Variants in GPR158 observed in about 807,000 individuals in gnomAD.
The protein encoded by GPR158 is metabotropic glycine receptor.
Under a neutral mutation model 78.2 loss-of-function variants are expected in GPR158, and 30 were observed. That is an observed-to-expected ratio of 0.38 (90% CI 0.29 to 0.52). The LOEUF is 0.52. Among genes scored for constraint, GPR158 ranks in the 20% least tolerant of loss-of-function variants. The pLI is 0.83. For missense variants in GPR158, 1,463 were observed against 1,523.5 expected, an observed-to-expected ratio of 0.96 and a Z score of 0.66; for synonymous variants, 581 against 591.1, an observed-to-expected ratio of 0.98 and a Z score of 0.25.
chr10:25,422,915 C>T (rs548123888), intron 4 of GPR158, among the ~76,000 whole-genome samples: 72 of 147,272 alleles, frequency 4.9e-4, no homozygotes, highest in Non-Finnish European at 9.4e-4. Flanking sequence ...TTTGCGTCCT[C>T]ATAGCTCAGC....
intron 2 of GPR158, among the ~76,000 whole-genome samples, chr10:25,343,151 G>T (rs541915684): frequency 2.0e-5 from 3 of 151,944 alleles, no homozygotes; most frequent in Non-Finnish European, 2.9e-5. Flanking sequence ...TCAAGTATTA[G>T]AAATGAATGT....
intron 5 of GPR158, among the ~76,000 whole-genome samples, chr10:25,497,096 T>C (rs1007851927): frequency 6.6e-5 from 10 of 152,080 alleles, no homozygotes; most frequent in African/African-American, 9.7e-5. Context: ...GCTCCAAGCA[T>C]ATTTGGTGTG....
At chr10:25,311,776 G>T (rs946328953) in intron 2 of GPR158, among the ~76,000 whole-genome samples, 5 of 151,890 alleles carry the variant, frequency 3.3e-5, no homozygotes, top group African/African-American at 1.2e-4. Context: ...TATTCCAAAT[G>T]TTCATTAATT....
chr10:25,466,924 G>T (rs1835432210), intron 5 of GPR158, among the ~76,000 whole-genome samples: 1 of 152,134 alleles, frequency 6.6e-6, no homozygotes, highest in African/African-American at 2.4e-5. Context: ...GAAGGAAGTT[G>T]TTGATTAAAA....
At chr10:25,577,127 A>ATATT in intron 7 of GPR158, among the ~76,000 whole-genome samples, 1 of 152,150 alleles carries the variant, frequency 6.6e-6, no homozygotes, top group Non-Finnish European at 1.5e-5. Context: ...TGCAGCATCA[A>ATATT]TATTTAACCT....
At chr10:25,543,889 TCAAA>T (rs1376344397) in intron 5 of GPR158, among the ~76,000 whole-genome samples, 1 of 152,190 alleles carries the variant, frequency 6.6e-6, no homozygotes, top group Non-Finnish European at 1.5e-5. Context: ...ACCAAGTCCT[TCAAA>T]CACACACCGA....
At chr10:25,256,056 TA>T (rs1393930025) in intron 2 of GPR158, among the ~76,000 whole-genome samples, 1 of 152,156 alleles carries the variant, frequency 6.6e-6, no homozygotes, top group Non-Finnish European at 1.5e-5. Flanking sequence ...GTTACAGGTG[TA>T]TCAGTGAGTG....
At chr10:25,596,491 CTCTCTA>C in intron 9 of GPR158, 146 bp from the exon 10 acceptor site, 1 of 562,526 alleles carries the variant, frequency 1.8e-6, no homozygotes, top group East Asian at 3.3e-5. Context: ...GTGTCTCTCT[CTCTCTA>C]TCTATCTATC....
intron 2 of GPR158, among the ~76,000 whole-genome samples, chr10:25,344,405 A>G (rs920865848): frequency 1.1e-4 from 16 of 151,922 alleles, no homozygotes; most frequent in Non-Finnish European, 1.3e-4. Context: ...GAGAACACTT[A>G]ACACTTAAAA....
chr10:25,338,584 C>CATATTATATATATTATTATATATAATAA (rs1564426395), intron 2 of GPR158, among the ~76,000 whole-genome samples: 4 of 145,356 alleles, frequency 2.8e-5, no homozygotes, highest in South Asian at 2.1e-4. Context: ...ATATATAATA[C>CATATTATATATATTATTATATATAATAA]ATATTATATA....
chr10:25,400,022 A>G (rs1834419093), intron 3 of GPR158, among the ~76,000 whole-genome samples: 1 of 152,228 alleles, frequency 6.6e-6, no homozygotes, highest in South Asian at 2.1e-4. Flanking sequence ...GTCAATACAC[A>G]GTTAAATAAT....
chr10:25,410,264 C>T (rs824602), intron 3 of GPR158, among the ~76,000 whole-genome samples: 125,310 of 152,102 alleles, frequency 0.82, 52,710 homozygotes, highest in African/African-American at 0.89. Context: ...CTAATTAATC[C>T]TTGCATCTCC....
intron 5 of GPR158, among the ~76,000 whole-genome samples, chr10:25,532,267 C>T (rs763899974): frequency 2.6e-5 from 4 of 151,058 alleles, no homozygotes; most frequent in Non-Finnish European, 5.9e-5. Flanking sequence ...ATCTGTTAAA[C>T]GGATGAGGCA....
intron 2 of GPR158, among the ~76,000 whole-genome samples, chr10:25,237,660 G>T (rs967469453): frequency 4.6e-5 from 7 of 152,092 alleles, no homozygotes; most frequent in African/African-American, 1.4e-4. Flanking sequence ...CATTTATCTA[G>T]ATTTGAAAGA....
intron 5 of GPR158, among the ~76,000 whole-genome samples, chr10:25,513,493 CT>C (rs59066452): frequency 0.061 from 8,834 of 144,198 alleles, 831 homozygotes; most frequent in African/African-American, 0.2. Context: ...TTTCATTTAT[CT>C]TTTTTTTTTT....
At chr10:25,249,636 C>T (rs994632279) in intron 2 of GPR158, among the ~76,000 whole-genome samples, 16 of 151,312 alleles carry the variant, frequency 1.1e-4, no homozygotes, top group African/African-American at 3.1e-4. Context: ...GTATATTGAA[C>T]CAGCCTTGCA....
chr10:25,380,193 A>G (rs911310871), intron 2 of GPR158, among the ~76,000 whole-genome samples: 1 of 152,166 alleles, frequency 6.6e-6, no homozygotes, highest in Non-Finnish European at 1.5e-5. Flanking sequence ...AGCTTAAGAA[A>G]TAGATTGTCA....
chr10:25,323,633 C>G (rs1386540552), intron 2 of GPR158, among the ~76,000 whole-genome samples: 1 of 151,420 alleles, frequency 6.6e-6, no homozygotes, highest in Non-Finnish European at 1.5e-5. Context: ...CTCAAGTGGT[C>G]CTCCCAAGCA....
At chr10:25,392,320 A>T (rs1341817610) in intron 2 of GPR158, among the ~76,000 whole-genome samples, 1 of 152,116 alleles carries the variant, frequency 6.6e-6, no homozygotes, top group Non-Finnish European at 1.5e-5. Flanking sequence ...ACACTCACTC[A>T]CACACCCCCA....
Sources: gnomAD v4.1 joint callset for allele counts (sites outside exome capture counted in the v4.1 genomes callset) on GRCh38, gnomAD v4.1.1 for gene constraint, MANE v1.5 for transcripts, NCBI Gene and HGNC (gene_info 2026-07-23, HGNC 2026-07-21) for gene names.